Variants in STK38 observed in about 807,000 individuals in gnomAD.
The protein encoded by STK38 is serine/threonine kinase 38.
A neutral mutation model predicts 59.0 loss-of-function variants in STK38; 26 were observed. That is an observed-to-expected ratio of 0.44 (90% CI 0.32 to 0.61). The LOEUF (loss-of-function observed/expected upper bound fraction) is 0.61, where lower values mean the gene tolerates loss of function less well. STK38 is among the 20% of genes least tolerant of loss of function. The probability of loss-of-function intolerance (pLI) is 0.04; values close to 1 mark genes in which losing one functional copy is unlikely to be tolerated. For synonymous variants in STK38, 175 were observed against 176.6 expected, an observed-to-expected ratio of 0.99 and a Z score of 0.07; for missense variants, 433 against 566.0, an observed-to-expected ratio of 0.76 and a Z score of 2.38.
chr6:36,500,536 C>T (rs1582404197), intron 9 of STK38, among the ~76,000 whole-genome samples: 1 of 151,674 alleles, frequency 6.6e-6, no homozygotes, highest in African/African-American at 2.4e-5. Context: ...CTGAGGTGGG[C>T]GGATCACGAG....
At chr6:36,532,307 C>CAA (rs1491440893) in intron 2 of STK38, among the ~76,000 whole-genome samples, 23 of 103,514 alleles carry the variant, frequency 2.2e-4, no homozygotes, top group African/African-American at 4.4e-4. Context: ...ACCTTGTCTG[C>CAA]ATAAAAAAAA....
Position 36,523,332 on chromosome 6 carries a change from G to A in STK38, c.306+1009C>T, listed in dbSNP as rs1290860088. On this transcript the variant is annotated intron_variant, in intron 4 of 13. Coordinates refer to ENST00000229812, the MANE Select transcript of STK38 (RefSeq NM_007271.4). ...GGCTGGAGTGCAATGGTGCAATCTC[G>A]GCTCACTGCAACCTCTGCCTCCTGG... 2.1e-5 allele frequency among the ~76,000 whole-genome samples: 3 copies of A among 141,234 alleles called. No individual in the cohort carries two copies. The Admixed American group carries it at 2.3e-4, about 11-fold the overall frequency. 92.7% of individuals were successfully genotyped at this position (141,234 alleles called of 152,430 possible).
chr6:36,517,111 T>C lies in STK38; in HGVS notation c.514+606A>G, dbSNP rs549119587. On this transcript the variant is annotated intron_variant, in intron 6 of 13. Coordinates refer to ENST00000229812, the MANE Select transcript of STK38 (RefSeq NM_007271.4). Reference sequence around the variant, plus strand: ...GAACAAAAAAGAAAAAAGTTCTCTCTCTTTTTTTTTCCCACCAGAGTTTGC... The same window carrying C: ...GAACAAAAAAGAAAAAAGTTCTCTCCCTTTTTTTTTCCCACCAGAGTTTGC... Among the ~76,000 whole-genome samples the C allele has an allele frequency of 2.0e-4, 29 of 141,906 alleles. No homozygotes were observed. The East Asian group carries it at 6.7e-3, about 33-fold the overall frequency. The allele number at this position is 141,906 out of a possible 152,430, so 93.1% of individuals were successfully genotyped here. A position where few individuals can be genotyped will look rare whatever the true frequency, so the allele number is the denominator to read the frequency against.
chr6:36,542,961 TA>T (rs1777974775), intron 1 of STK38, among the ~76,000 whole-genome samples: 1 of 150,784 alleles, frequency 6.6e-6, no homozygotes, highest in African/African-American at 2.4e-5. Flanking sequence ...AATAAATAAA[TA>T]AAATAAAATC....
intron 9 of STK38, among the ~76,000 whole-genome samples, chr6:36,501,347 T>G (rs1459312888): frequency 1.3e-5 from 2 of 152,150 alleles, no homozygotes; most frequent in Non-Finnish European, 2.9e-5. Flanking sequence ...CTAATGTACT[T>G]AACATTTGAG....
chr6:36,546,283 G>A (rs1446111770), intron 1 of STK38, among the ~76,000 whole-genome samples: 1 of 152,206 alleles, frequency 6.6e-6, no homozygotes, highest in African/African-American at 2.4e-5. Flanking sequence ...TGTGTGATGG[G>A]GGATAGGGCT....
intron 5 of STK38, among the ~76,000 whole-genome samples, chr6:36,521,188 T>C (rs1217495209): frequency 6.6e-6 from 1 of 152,228 alleles, no homozygotes; most frequent in East Asian, 1.9e-4. Flanking sequence ...AGAATTTGCA[T>C]TGTTCTGTCA....
Position 36,507,567 on chromosome 6 carries a change from T to C in STK38, c.705A>G (p.Thr235=). The stretch of plus-strand genomic sequence containing the variant: ...CTGTCCTATGTGCTTTTTTCAGTCC[T>C]GTGCAAAGACCAAAGTCAGAAAGTT... The part of the protein sequence containing the change: ...HVKLSDFGLC[T]GLKKAHRTEF... Residue 235 remains threonine, a synonymous_variant, in exon 8 of 14, where the codon ACA becomes ACG. Transcript: ENST00000229812. 1 of 1,614,162 alleles carries C rather than the reference T, an allele frequency of 6.2e-7. No individual in the cohort carries two copies. The highest frequency in any genetic ancestry group is 8.5e-7 in the Non-Finnish European group (1 of 1,180,006).
At chr6:36,514,154 CAAAAAAAAAA>C (rs762095229) in intron 7 of STK38, among the ~76,000 whole-genome samples, 1 of 78,936 alleles carries the variant, frequency 1.3e-5, no homozygotes, top group Admixed American at 1.2e-4. Flanking sequence ...GACTCCGTCT[CAAAAAAAAAA>C]AAAAAAAAAG....
intron 1 of STK38, among the ~76,000 whole-genome samples, chr6:36,542,981 C>T (rs1777975018): frequency 6.6e-6 from 1 of 152,098 alleles, no homozygotes; most frequent in Non-Finnish European, 1.5e-5. Flanking sequence ...TCTTGTTTTC[C>T]TCCAGATATT....
chr6:36,535,874 C>CAAAAAAAAAA (rs35930267), intron 2 of STK38, among the ~76,000 whole-genome samples: 2 of 75,420 alleles, frequency 2.7e-5, no homozygotes, highest in African/African-American at 8.1e-5. Context: ...GACTCCGTCT[C>CAAAAAAAAAA]AAAAAAAAAA....
intron 10 of STK38, among the ~76,000 whole-genome samples, chr6:36,499,281 C>CA (rs1451188735): frequency 6.6e-6 from 1 of 152,186 alleles, no homozygotes; most frequent in Non-Finnish European, 1.5e-5. Context: ...AACACGCACA[C>CA]ACCCTATCAC....
Position 36,507,625 on chromosome 6 carries a change from T to C in STK38, c.670-23A>G, listed in dbSNP as rs374961733. 103 of 1,558,342 alleles carry C rather than the reference T, an allele frequency of 6.6e-5. 1 individual carries two copies. Among genetic ancestry groups the C allele is most frequent in the South Asian group, 6.1e-4 (55 of 89,876 alleles). On this transcript the variant is annotated intron_variant, in intron 7 of 13. Coordinates refer to ENST00000229812, the MANE Select transcript of STK38 (RefSeq NM_007271.4). ...GCCCTATGGGGAAGAAACAAGGTGA[T>C]AGATGGATGAGTATTCTTGGAGGTA...
intron 6 of STK38, among the ~76,000 whole-genome samples, chr6:36,517,191 T>C (rs761045767): frequency 4.6e-5 from 7 of 152,156 alleles, no homozygotes; most frequent in Non-Finnish European, 2.9e-5. Flanking sequence ...ACAGATGGCA[T>C]GTTCTGTTCT....
At chr6:36,512,940 G>A (rs149664692) in intron 7 of STK38, among the ~76,000 whole-genome samples, 247 of 152,270 alleles carry the variant, frequency 1.6e-3, no homozygotes, top group African/African-American at 5.8e-3. Context: ...GATTACAGAC[G>A]TGGGCCACCG....
At chr6:36,531,243 G>A (rs1391445041) in intron 2 of STK38, among the ~76,000 whole-genome samples, 4 of 152,162 alleles carry the variant, frequency 2.6e-5, no homozygotes, top group South Asian at 4.1e-4. Context: ...AGGAGTTGCA[G>A]AACATAGAAA....
intron 2 of STK38, among the ~76,000 whole-genome samples, chr6:36,531,231 A>T (rs1321877936): frequency 6.6e-6 from 1 of 152,248 alleles, no homozygotes; most frequent in Non-Finnish European, 1.5e-5. Context: ...AGAAAATCTA[A>T]GAGGAGTTGC....
At chr6:36,528,716 C>A (rs1777596582) in intron 2 of STK38, among the ~76,000 whole-genome samples, 1 of 152,166 alleles carries the variant, frequency 6.6e-6, no homozygotes, top group Non-Finnish European at 1.5e-5. Flanking sequence ...ACATGCTAGG[C>A]AAAAGCTCTA....
At chr6:36,539,258 C>G (rs1777873709) in intron 2 of STK38, among the ~76,000 whole-genome samples, 1 of 151,592 alleles carries the variant, frequency 6.6e-6, no homozygotes, top group African/African-American at 2.4e-5. Context: ...TGGTGGCTCA[C>G]ACCTGTAGTC....
Sources: allele counts gnomAD v4.1 joint callset (sites outside exome capture counted in the v4.1 genomes callset), GRCh38; gene constraint gnomAD v4.1.1; transcripts MANE v1.5; gene names NCBI Gene and HGNC (gene_info 2026-07-23, HGNC 2026-07-21).